The following CAGE1 variants were observed in gnomAD, a reference collection of about 807,000 sequenced individuals.
CAGE1 encodes cancer antigen 1.
CAGE1 carries 66 observed loss-of-function variants against 94.9 expected under a neutral mutation model. The ratio of observed to expected loss-of-function variants is 0.70; its 90% CI spans 0.57 to 0.85. The LOEUF is 0.85. Among genes scored for constraint, CAGE1 ranks in the 40% least tolerant of loss-of-function variants. The pLI is 0.00. For synonymous variants in CAGE1, 319 were observed against 321.0 expected (o/e 0.99, Z 0.07); for missense variants, 865 against 950.4 (o/e 0.91, Z 1.18).
intron 11 of CAGE1, among the ~76,000 whole-genome samples, chr6:7,346,232 G>C (rs1759526576): frequency 6.6e-6 from 1 of 152,158 alleles, no homozygotes; most frequent in Admixed American, 6.5e-5. Context: ...TGTTCTTCAT[G>C]GATATAACAG....
intron 11 of CAGE1, 36 bp downstream of exon 11, chr6:7,355,005 T>C: frequency 6.8e-7 from 1 of 1,466,190 alleles, no homozygotes; most frequent in Non-Finnish European, 9.5e-7. Context: ...TATTAGTAAA[T>C]ATTCACAAAA....
In CAGE1 at chr6:7,355,115, G is replaced by GA. The variant is rs202053093; in HGVS notation, c.2299-5dup. 0.011 allele frequency: 17,005 copies of GA among 1,584,322 alleles called. 180 individuals are homozygous for GA. The highest frequency in any genetic ancestry group is 0.052 in the Middle Eastern group (312 of 5,944). On this transcript the variant is annotated splice_polypyrimidine_tract_variant and splice_region_variant and intron_variant, in intron 10 of 13. Transcript: ENST00000502583. The stretch of plus-strand genomic sequence containing the variant: ...TGATTTCTTCATATGATGTAACCTT[G>GA]AAAAAAATAAGCTAAACCAATTATT...
intron 11 of CAGE1, among the ~76,000 whole-genome samples, chr6:7,336,800 G>T (rs10458209): frequency 2.6e-5 from 4 of 151,864 alleles, no homozygotes; most frequent in African/African-American, 9.7e-5. Context: ...ATCAGCCACC[G>T]CACGCAGCTG....
chr6:7,356,669 T>C (rs1019245832), intron 9 of CAGE1, among the ~76,000 whole-genome samples: 1 of 152,226 alleles, frequency 6.6e-6, no homozygotes, highest in Non-Finnish European at 1.5e-5. Flanking sequence ...ATGTGACATC[T>C]GAAATTAATT....
rs1466115932 is a variant in CAGE1 at position 7,341,673 on chromosome 6, C to A, written c.2370-7583G>T. The A allele has an allele frequency of 2.1e-5, 15 of 722,718 alleles. No homozygotes were observed. The Admixed American group carries it at 2.6e-4, about 13-fold the overall frequency. The allele number at this position is 722,718 out of a possible 1,614,324, so 44.8% of individuals were successfully genotyped here. On this transcript the variant is annotated intron_variant, in intron 11 of 13. Transcript: ENST00000502583. The stretch of plus-strand genomic sequence containing the variant: ...CCAGGTGGACAGGAATCAACTCAAC[C>A]TTCACGTACAGGCAGGAGCTAAAGT...
intron 6 of CAGE1, among the ~76,000 whole-genome samples, chr6:7,369,211 T>C (rs1432222320): frequency 6.6e-6 from 1 of 152,142 alleles, no homozygotes; most frequent in African/African-American, 2.4e-5. Flanking sequence ...TTTCACTATG[T>C]TGGCCAGGCT....
At chr6:7,371,388 C>A (rs1760534316) in intron 5 of CAGE1, among the ~76,000 whole-genome samples, 1 of 151,816 alleles carries the variant, frequency 6.6e-6, no homozygotes, top group Non-Finnish European at 1.5e-5. Context: ...ACAGTAAAAT[C>A]ATTCACTTGT....
chr6:7,386,215 A>ATGG (rs1004471536), intron 2 of CAGE1, among the ~76,000 whole-genome samples: 1 of 118,054 alleles, frequency 8.5e-6, no homozygotes, highest in Non-Finnish European at 1.7e-5. Flanking sequence ...CAGCATTAAG[A>ATGG]TGGTTATTTC....
Position 7,365,561 on chromosome 6 carries a change from A to G in CAGE1, c.2100T>C (p.Asp700=), listed in dbSNP as rs934061421. ...CTCTGATACTCTTGGCTTCATCTGA[A>G]TCACAGTCTATGACCTGAGATTAAA... ...QDHAIKVIDC[D]SDEAKSIRDV... is the part of the protein sequence containing the mutation. Residue 700 remains aspartate, a synonymous_variant, in exon 9 of 14, where the codon GAT becomes GAC. Coordinates refer to ENST00000502583, the MANE Select transcript of CAGE1 (RefSeq NM_001170692.2). 4 of 1,610,094 alleles carry G rather than the reference A, an allele frequency of 2.5e-6. No individual in the cohort carries two copies. The highest frequency in any genetic ancestry group is 3.3e-5 in the Admixed American group (2 of 59,910).
rs74944145 is a variant in CAGE1 at position 7,373,009 on chromosome 6, G to T, written c.1746+64C>A. On this transcript the variant is annotated intron_variant, in intron 5 of 13. Transcript: ENST00000502583. ...AAATATAAGTGCCACGTCTAAATAC[G>T]CATCACTAGACCACTAGAAACTCTT... The T allele has an allele frequency of 4.3e-3, 4,876 of 1,121,022 alleles. 19 individuals carry two copies. Among genetic ancestry groups the T allele is most frequent in the Admixed American group, 8.4e-3 (327 of 38,864 alleles). 69.4% of individuals were successfully genotyped at this position (1,121,022 alleles called of 1,614,324 possible).
chr6:7,327,080 T>C (rs1191717026), intron 13 of CAGE1, among the ~76,000 whole-genome samples, 181 bp from the exon 14 acceptor site: 1 of 151,996 alleles, frequency 6.6e-6, no homozygotes, highest in Non-Finnish European at 1.5e-5. Flanking sequence ...TGAGACAGAG[T>C]CTCACTCTGT....
chr6:7,382,347 C>T (rs1386665244), intron 3 of CAGE1, among the ~76,000 whole-genome samples: 1 of 150,670 alleles, frequency 6.6e-6, no homozygotes, highest in Non-Finnish European at 1.5e-5. Context: ...CTGTCACCCA[C>T]GCTGGAGTCA....
chr6:7,342,779 G>C (rs572163113), intron 11 of CAGE1, among the ~76,000 whole-genome samples: 7 of 152,138 alleles, frequency 4.6e-5, no homozygotes, highest in Non-Finnish European at 1.0e-4. Context: ...TATGGTTTCA[G>C]GTCTTAGATT....
chr6:7,371,371 C>G (rs1760533803), intron 5 of CAGE1, among the ~76,000 whole-genome samples: 1 of 151,806 alleles, frequency 6.6e-6, no homozygotes, highest in African/African-American at 2.4e-5. Context: ...CCTAAGAATC[C>G]TTAAAAACAG....
chr6:7,368,728 A>G lies in CAGE1; in HGVS notation c.1964T>C (p.Leu655Pro), dbSNP rs1196769214. The change falls in exon 7 of 14, where the codon CTG (leucine) becomes CCG (proline). Residue 655 changes from leucine to proline, a missense_variant. Physicochemically the swap from Leu to Pro is moderately conservative, Grantham distance 98. Coordinates refer to ENST00000502583, the MANE Select transcript of CAGE1 (RefSeq NM_001170692.2). ...EKVSDIMLQK[L>P]KSLHLKKKTL... is the part of the protein sequence containing the mutation. ...TTTCTTTTTAAGATGGAGGCTCTTCAGTTTTTGCAGCATTATATCACTAAC... is the reference window on the plus strand; with the variant it reads ...TTTCTTTTTAAGATGGAGGCTCTTCGGTTTTTGCAGCATTATATCACTAAC... The G allele has an allele frequency of 1.3e-6, 2 of 1,552,540 alleles. No homozygotes were observed. Among genetic ancestry groups the G allele is most frequent in the Non-Finnish European group, 1.7e-6 (2 of 1,147,534 alleles).
At chr6:7,376,566 G>A (rs959175735) in intron 4 of CAGE1, among the ~76,000 whole-genome samples, 18 of 151,874 alleles carry the variant, frequency 1.2e-4, no homozygotes, top group Admixed American at 5.9e-4. Context: ...CTCCAGAACC[G>A]TGAGCCAGAT....
At chr6:7,382,654 G>A (rs1437218722) in intron 3 of CAGE1, among the ~76,000 whole-genome samples, 1 of 150,258 alleles carries the variant, frequency 6.7e-6, no homozygotes, top group South Asian at 2.2e-4. Context: ...ACTCATGCCT[G>A]TAATCCCAGC....
intron 9 of CAGE1, among the ~76,000 whole-genome samples, chr6:7,358,070 A>ATATATT (rs1321838889): frequency 2.5e-5 from 3 of 120,898 alleles, no homozygotes; most frequent in Non-Finnish European, 5.2e-5. Context: ...ATATATATAT[A>ATATATT]TGCCTCCAAA....
rs1386902755 is a variant in CAGE1 at position 7,369,975 on chromosome 6, G to C, written c.1837C>G (p.Leu613Val). Reference protein sequence around the residue: ...NPADIKRASQLASKMHSLLAL... With the variant: ...NPADIKRASQVASKMHSLLAL... ...AGAAGACTGTGCATTTTGGAGGCCA[G>C]CTGAGAAGCTCTTTTTATATCTGCA... Residue 613 changes from leucine (L) to valine (V), a missense_variant, in exon 6 of 14, where the codon CTG becomes GTG. Physicochemically the swap from Leu to Val is conservative, Grantham distance 32. Transcript: ENST00000502583. The C allele has an allele frequency of 6.2e-7, 1 of 1,613,816 alleles. No individual in the cohort carries two copies. Among genetic ancestry groups the C allele is most frequent in the East Asian group, 2.2e-5 (1 of 44,848 alleles).
Sources: allele counts gnomAD v4.1 joint callset (sites outside exome capture counted in the v4.1 genomes callset), GRCh38; gene constraint gnomAD v4.1.1; transcripts MANE v1.5; gene names NCBI Gene and HGNC (gene_info 2026-07-23, HGNC 2026-07-21).